The following OPCML variants were observed in gnomAD, a reference collection of about 807,000 sequenced individuals.
The protein encoded by OPCML is opioid binding protein/cell adhesion molecule like, also known as opioid-binding protein/cell adhesion molecule.
In OPCML, 13 loss-of-function variants were observed where a neutral mutation model predicts 37.8. That is an observed-to-expected ratio of 0.34 (90% confidence interval 0.22 to 0.55). The LOEUF (loss-of-function observed/expected upper bound fraction) is 0.55. Among genes scored for constraint, OPCML ranks in the 20% least tolerant of loss-of-function variants. OPCML has a pLI of 0.91. For synonymous variants in OPCML, 176 were observed against 168.8 expected, an observed-to-expected ratio of 1.04 and a Z score of -0.33; for missense variants, 341 against 435.6, an observed-to-expected ratio of 0.78 and a Z score of 1.93.
At chr11:133,502,662 G>A (rs1338121814) in intron 1 of OPCML, among the ~76,000 whole-genome samples, 1 of 152,236 alleles carries the variant, frequency 6.6e-6, no homozygotes. Flanking sequence ...ATCTGAGAAT[G>A]TTGTAGCCAG....
chr11:133,470,434 G>T (rs1355451488), intron 1 of OPCML, among the ~76,000 whole-genome samples: 1 of 152,182 alleles, frequency 6.6e-6, no homozygotes, highest in African/African-American at 2.4e-5. Context: ...ACCAGAGGGT[G>T]GAAAAGCCTC....
rs563487362 is a variant in OPCML, at chr11:133,320,032, T to C, written c.61+212232A>G. Among the ~76,000 whole-genome samples, 3 of 152,324 alleles carry C rather than the reference T, an allele frequency of 2.0e-5. No individual in the cohort carries two copies. The South Asian group carries it at 6.2e-4, about 32-fold the overall frequency. On this transcript the variant is annotated intron_variant, in intron 1 of 7. Coordinates refer to ENST00000524381, the MANE Select transcript of OPCML (RefSeq NM_001012393.5). ...GACTCTGCTTCGTCCTTGATGTTGA[T>C]GGATGCCAGTGGTGAAGCAATGTCT... is the stretch of plus-strand genomic sequence containing the variant.
chr11:132,562,519 T>G (rs908549918), intron 3 of OPCML, among the ~76,000 whole-genome samples: 1 of 152,152 alleles, frequency 6.6e-6, no homozygotes, highest in Non-Finnish European at 1.5e-5. Flanking sequence ...GTTAGAATTA[T>G]AAAGCAGAAC....
At chr11:132,583,019 G>GA (rs761464408) in intron 3 of OPCML, among the ~76,000 whole-genome samples, 4 of 151,722 alleles carry the variant, frequency 2.6e-5, no homozygotes, top group Non-Finnish European at 5.9e-5. Flanking sequence ...AAATCAATAG[G>GA]AAAATGTCTC....
At chr11:132,794,627 T>C (rs1444603847) in intron 2 of OPCML, among the ~76,000 whole-genome samples, 5 of 152,048 alleles carry the variant, frequency 3.3e-5, no homozygotes, top group Admixed American at 1.3e-4. Flanking sequence ...TTTGTGTACA[T>C]GAATGGACAC....
At chr11:133,222,074 C>T (rs1382107822) in intron 1 of OPCML, among the ~76,000 whole-genome samples, 1 of 152,142 alleles carries the variant, frequency 6.6e-6, no homozygotes, top group Non-Finnish European at 1.5e-5. Context: ...TCAGAATCCC[C>T]AAATCTATGC....
intron 1 of OPCML, among the ~76,000 whole-genome samples, chr11:133,098,207 G>C (rs1431904652): frequency 1.3e-5 from 2 of 149,480 alleles, no homozygotes; most frequent in South Asian, 2.1e-4. Flanking sequence ...TGCAAGGCTG[G>C]TTAAACTTTT....
intron 3 of OPCML, among the ~76,000 whole-genome samples, chr11:132,648,337 C>T (rs1051345585): frequency 6.6e-6 from 1 of 152,154 alleles, no homozygotes; most frequent in African/African-American, 2.4e-5. Context: ...TATTGGCAGA[C>T]AGGTCTCTTC....
chr11:132,421,910 T>C (rs1187568903), intron 7 of OPCML, among the ~76,000 whole-genome samples: 4 of 152,144 alleles, frequency 2.6e-5, no homozygotes, highest in African/African-American at 9.7e-5. Flanking sequence ...CATATTGTCT[T>C]TGAAAGATGA....
In OPCML at chr11:132,981,216, G is replaced by C. The variant is rs1946576019; in HGVS notation, c.62-38206C>G. On this transcript the variant is annotated intron_variant, in intron 1 of 7. Coordinates refer to ENST00000524381, the MANE Select transcript of OPCML (RefSeq NM_001012393.5). Reference sequence around the variant, plus strand: ...CACCAGGCAGGATACAGAAGAAATGGAAAAAGACAATCATTTTAGAACACT... The same window carrying C: ...CACCAGGCAGGATACAGAAGAAATGCAAAAAGACAATCATTTTAGAACACT... Among the ~76,000 whole-genome samples, 5 of 152,284 alleles carry C rather than the reference G, an allele frequency of 3.3e-5. No individual in the cohort carries two copies. In the South Asian group the frequency reaches 1.0e-3, roughly 32 times the overall value.
At chr11:133,179,617 T>C (rs924483593) in intron 1 of OPCML, among the ~76,000 whole-genome samples, 1 of 152,154 alleles carries the variant, frequency 6.6e-6, no homozygotes, top group Admixed American at 6.5e-5. Flanking sequence ...GCACGACCCA[T>C]TCTGAAGAAG....
At chr11:133,146,353 C>T (rs1362098493) in intron 1 of OPCML, among the ~76,000 whole-genome samples, 2 of 142,034 alleles carry the variant, frequency 1.4e-5, no homozygotes, top group Admixed American at 1.5e-4. Context: ...TCTCTCTTGT[C>T]GCCCAGGCTG....
At chr11:132,466,342 G>C (rs1405073669) in intron 4 of OPCML, among the ~76,000 whole-genome samples, 5 of 151,026 alleles carry the variant, frequency 3.3e-5, no homozygotes, top group Non-Finnish European at 5.9e-5. Context: ...AAAATAGCCA[G>C]GTGTGGTGGC....
chr11:133,405,172 G>C (rs1945498722), intron 1 of OPCML, among the ~76,000 whole-genome samples: 1 of 152,146 alleles, frequency 6.6e-6, no homozygotes, highest in African/African-American at 2.4e-5. Flanking sequence ...CCAAATCCTT[G>C]GCTCCCCTGG....
chr11:132,511,639 A>G (rs2096269056), intron 4 of OPCML, among the ~76,000 whole-genome samples: 3 of 145,622 alleles, frequency 2.1e-5, no homozygotes, highest in Admixed American at 1.4e-4. Context: ...AACTAAGGTA[A>G]TTCATTAGAA....
chr11:133,356,825 T>A (rs1356558581), intron 1 of OPCML, among the ~76,000 whole-genome samples: 1 of 152,184 alleles, frequency 6.6e-6, no homozygotes, highest in African/African-American at 2.4e-5. Flanking sequence ...AAGTTCAGAT[T>A]TTTTAAAAGC....
At chr11:132,513,233 G>A (rs1437862060) in intron 4 of OPCML, among the ~76,000 whole-genome samples, 2 of 152,134 alleles carry the variant, frequency 1.3e-5, no homozygotes, top group East Asian at 3.8e-4. Context: ...GATAAGGGAA[G>A]AAAGTAGAGA....
chr11:132,497,592 T>C (rs1940396), intron 4 of OPCML, among the ~76,000 whole-genome samples: 42,406 of 151,792 alleles, frequency 0.28, 6,627 homozygotes, highest in East Asian at 0.62. Context: ...TCCATGCATA[T>C]TTCTGAAGAA....
intron 4 of OPCML, among the ~76,000 whole-genome samples, chr11:132,518,757 C>G: frequency 6.6e-6 from 1 of 152,182 alleles, no homozygotes; most frequent in East Asian, 1.9e-4. Context: ...TGATAAATAG[C>G]TATCTCTCCC....
Sources: allele counts gnomAD v4.1 joint callset (sites outside exome capture counted in the v4.1 genomes callset), GRCh38; gene constraint gnomAD v4.1.1; transcripts MANE v1.5; gene names NCBI Gene and HGNC (gene_info 2026-07-23, HGNC 2026-07-21).